ELN: variants seen among roughly 807,000 people sequenced by gnomAD.
The protein encoded by ELN is tropoelastin.
ELN carries 65 observed loss-of-function variants against 105.8 expected under a neutral mutation model. The ratio of observed to expected loss-of-function variants is 0.61; its 90% CI spans 0.50 to 0.75. The LOEUF (loss-of-function observed/expected upper bound fraction) is 0.75, where lower values mean the gene tolerates loss of function less well. Ranked by LOEUF, ELN falls within the 30% of genes least tolerant of loss-of-function variation. The probability of loss-of-function intolerance (pLI) is 0.00; values close to 1 mark genes in which losing one functional copy is unlikely to be tolerated. For synonymous variants in ELN, 368 were observed against 389.2 expected (o/e 0.95, Z 0.64); for missense variants, 882 against 969.4 (o/e 0.91, Z 1.20).
Position 74,043,104 on chromosome 7 carries a change from C to A in ELN, c.377-14C>A. 1 of 1,614,024 alleles carries A rather than the reference C, an allele frequency of 6.2e-7. No homozygotes were observed. The highest frequency in any genetic ancestry group is 8.5e-7 in the Non-Finnish European group (1 of 1,179,964). ...TGGGTGGAGCCAACTCTGATGCAGC[C>A]CCTTCTGTGCCAGGTGCGGTGGTTC... On this transcript the variant is annotated splice_polypyrimidine_tract_variant and intron_variant, in intron 7 of 32. Transcript: ENST00000252034.
chr7:74,032,094 G>A lies in ELN; in HGVS notation c.83-3270G>A, dbSNP rs556070483. Among the ~76,000 whole-genome samples, 4 of 152,236 alleles carry A rather than the reference G, an allele frequency of 2.6e-5. No homozygotes were observed. The South Asian group carries it at 6.2e-4, about 24-fold the overall frequency. On this transcript the variant is annotated intron_variant, in intron 1 of 32. Transcript: ENST00000252034. ...CATGGGAGGTATGCAAGCAGAACAC[G>A]AAGGATGTTTGTGGAAGGAGGTCCA...
intron 1 of ELN, among the ~76,000 whole-genome samples, chr7:74,032,662 G>C (rs1470077529): frequency 3.9e-5 from 6 of 152,170 alleles, no homozygotes; most frequent in African/African-American, 1.4e-4. Flanking sequence ...AACGGTGGGG[G>C]TGGAGAGTGG....
In ELN at chr7:74,069,472, T is replaced by A; in HGVS notation, c.*772T>A. The stretch of plus-strand genomic sequence containing the variant: ...CGCCTGTGCCCTGCCTCCACCCCCA[T>A]CCTACACTCCCCCAGGGCGTGCGGG... On this transcript the variant is annotated 3_prime_UTR_variant, in exon 33 of 33. Transcript: ENST00000252034. 1 of 234,804 alleles carries A rather than the reference T, an allele frequency of 4.3e-6. No homozygotes were observed. The highest frequency in any genetic ancestry group is 8.4e-6 in the Non-Finnish European group (1 of 119,092). The allele number at this position is 234,804 out of a possible 1,614,324, so 14.5% of individuals were successfully genotyped here. A position where few individuals can be genotyped will look rare whatever the true frequency, so the allele number is the denominator to read the frequency against.
intron 17 of ELN, 62 bp from the exon 18 acceptor site, chr7:74,053,101 C>T: frequency 1.2e-6 from 2 of 1,612,924 alleles, no homozygotes; most frequent in South Asian, 2.2e-5. Flanking sequence ...ACTCTACTAA[C>T]CACCCTTCTA....
chr7:74,054,588 G>A (rs1794853524), intron 18 of ELN, 128 bp from the exon 19 acceptor site: 2 of 933,832 alleles, frequency 2.1e-6, no homozygotes, highest in Non-Finnish European at 1.7e-6. Context: ...ATAAATGGAT[G>A]TGTAGCCAAC....
At chr7:74,044,044 G>T (rs1554670500) in intron 9 of ELN, 124 bp downstream of exon 9, 2 of 1,313,954 alleles carry the variant, frequency 1.5e-6, no homozygotes, top group South Asian at 2.5e-5. Flanking sequence ...CCAGGAGTTT[G>T]AGACCAGCCT....
chr7:74,047,071 G>A (rs934466282), intron 12 of ELN, among the ~76,000 whole-genome samples: 1 of 151,726 alleles, frequency 6.6e-6, no homozygotes, highest in African/African-American at 2.4e-5. Context: ...GTAACAGAGT[G>A]AGACTCTCCT....
rs546341976 is a variant in ELN at position 74,068,938 on chromosome 7, C to A, written c.*238C>A. 7 of 577,034 alleles carry A rather than the reference C, an allele frequency of 1.2e-5. No individual in the cohort carries two copies. The highest frequency in any genetic ancestry group is 2.2e-5 in the Non-Finnish European group (7 of 320,772). 35.7% of individuals were successfully genotyped at this position (577,034 alleles called of 1,614,324 possible). ...AGGGCCATGTGGTCCTGGCCCCCCACCCCATCCCTTCCCACCTAGGAGCTC... is the reference window on the plus strand; with the variant it reads ...AGGGCCATGTGGTCCTGGCCCCCCAACCCATCCCTTCCCACCTAGGAGCTC... On this transcript the variant is annotated 3_prime_UTR_variant, in exon 33 of 33. Coordinates refer to ENST00000252034, the MANE Select transcript of ELN (RefSeq NM_000501.4).
In ELN at chr7:74,046,205, G is replaced by C. The variant is rs1203097447; in HGVS notation, c.559G>C (p.Ala187Pro). Residue 187 changes from alanine (A) to proline (P), a missense_variant, in exon 11 of 33, where the codon GCT becomes CCT. Transcript: ENST00000252034. ...CATTACAGGTGTAGGTGGAGCTTTT[G>C]CTGGAATCCCAGGTGAGGCAAGGCT... ...PKAPGVGGAF[A>P]GIPGVGPFGG... is the part of the protein sequence containing the mutation. The C allele has an allele frequency of 6.2e-7, 1 of 1,614,108 alleles. No homozygotes were observed. Among genetic ancestry groups the C allele is most frequent in the African/African-American group, 1.3e-5 (1 of 74,950 alleles).
intron 22 of ELN, 156 bp from the exon 23 acceptor site, chr7:74,059,730 T>C: frequency 1.3e-6 from 1 of 755,036 alleles, no homozygotes; most frequent in South Asian, 1.4e-5. Flanking sequence ...CACTTCATAT[T>C]AGGGAGGAGG....
chr7:74,046,326 CG>C, intron 11 of ELN, 109 bp downstream of exon 11: 1 of 1,493,710 alleles, frequency 6.7e-7, no homozygotes, highest in Non-Finnish European at 9.3e-7. Flanking sequence ...ATTTCTCCCA[CG>C]CCTGCAGAGC....
chr7:74,028,184 C>A lies in ELN; in HGVS notation c.-4C>A, dbSNP rs782107954. On this transcript the variant is annotated 5_prime_UTR_variant, in exon 1 of 33. Coordinates refer to ENST00000252034, the MANE Select transcript of ELN (RefSeq NM_000501.4). ...GAGAGCGGGCTGGGGCATTTCTCCC[C>A]GAGATGGCGGGTCTGACGGCGGCGG... 2 of 1,611,204 alleles carry A rather than the reference C, an allele frequency of 1.2e-6. No homozygotes were observed. The highest frequency in any genetic ancestry group is 8.5e-7 in the Non-Finnish European group (1 of 1,179,488).
At chr7:74,056,833 A>G in intron 21 of ELN, 120 bp downstream of exon 21, 4 of 1,305,966 alleles carry the variant, frequency 3.1e-6, no homozygotes, top group Non-Finnish European at 4.4e-6. Context: ...CAAGGTCACG[A>G]GGCCCCTGCC....
At chr7:74,057,340 A>T (rs1554680757) in intron 21 of ELN, 2 of 1,415,488 alleles carry the variant, frequency 1.4e-6, no homozygotes, top group East Asian at 2.5e-5. Context: ...CCAAAAAGTG[A>T]GTACTGGGAG....
intron 10 of ELN, chr7:74,045,625 C>T (rs958590303): frequency 2.3e-5 from 9 of 394,348 alleles, no homozygotes; most frequent in Non-Finnish European, 3.9e-5. Context: ...CACCTATGAT[C>T]CCAACTATTC....
Position 74,063,409 on chromosome 7 carries a change from C to CA in ELN, c.1918+41dup. The CA allele has an allele frequency of 6.5e-7, 1 of 1,544,576 alleles. No individual in the cohort carries two copies. Among genetic ancestry groups the CA allele is most frequent in the Non-Finnish European group, 8.7e-7 (1 of 1,147,942 alleles). On this transcript the variant is annotated intron_variant, in intron 28 of 32. Coordinates refer to ENST00000252034, the MANE Select transcript of ELN (RefSeq NM_000501.4). This position sits in a 1 kb window ranked among gnomAD's most constrained non-coding sequence, Gnocchi z 4.1. ...GAGGTGGGAGCTGCCGCCAGGCCCC[C>CA]AGGCCCCCAGGGTGTGGGAGGAGCT...
At chr7:74,047,982 A>G (rs1327262579) in intron 13 of ELN, among the ~76,000 whole-genome samples, 160 bp from the exon 14 acceptor site, 1 of 152,184 alleles carries the variant, frequency 6.6e-6, no homozygotes, top group Non-Finnish European at 1.5e-5. Flanking sequence ...TAAAATGGAC[A>G]TAACAACTCC....
At position 74,063,505 on chromosome 7, in the gene ELN, C is replaced by A. The variant is rs1797187570; in HGVS notation, c.1919-116C>A. 8.7e-6 allele frequency: 14 copies of A among 1,609,230 alleles called. No individual in the cohort carries two copies. Among genetic ancestry groups the A allele is most frequent in the African/African-American group, 1.3e-5 (1 of 74,920 alleles). On this transcript the variant is annotated intron_variant, in intron 28 of 32. Coordinates refer to ENST00000252034, the MANE Select transcript of ELN (RefSeq NM_000501.4). This position sits in a 1 kb window ranked among gnomAD's most constrained non-coding sequence, Gnocchi z 4.1. ...CTGGCTCCACTGTGCCATCGAAGGC[C>A]AGGGGAGACCTCAGGCTCCACCTGT...
intron 4 of ELN, among the ~76,000 whole-genome samples, chr7:74,039,560 C>T (rs782159986): frequency 7.9e-5 from 12 of 152,236 alleles, no homozygotes; most frequent in Non-Finnish European, 1.5e-4. Context: ...TGCTTTTCCA[C>T]GTGGGCGCCA....
Sources: allele counts gnomAD v4.1 joint callset (sites outside exome capture counted in the v4.1 genomes callset), GRCh38; gene constraint gnomAD v4.1.1; non-coding constraint Gnocchi (gnomAD v3.1); transcripts MANE v1.5; gene names NCBI Gene and HGNC (gene_info 2026-07-23, HGNC 2026-07-21).